The following PTK7 variants were observed in gnomAD, a reference collection of about 807,000 sequenced individuals.
PTK7 encodes inactive tyrosine-protein kinase 7.
PTK7 carries 39 observed loss-of-function variants against 116.6 expected under a neutral mutation model. That is an observed-to-expected ratio of 0.33 (90% CI 0.26 to 0.44). The LOEUF is 0.44. PTK7 is among the 20% of genes least tolerant of loss of function. The pLI is 1.00. For missense variants in PTK7, 1,169 were observed against 1,425.6 expected, an observed-to-expected ratio of 0.82 and a Z score of 2.90; for synonymous variants, 546 against 563.6, an observed-to-expected ratio of 0.97 and a Z score of 0.44.
intron 1 of PTK7, among the ~76,000 whole-genome samples, chr6:43,107,550 A>C (rs952170490): frequency 3.9e-5 from 6 of 152,224 alleles, no homozygotes. Context: ...GGTAGCTGTT[A>C]CTTTAATTAT....
intron 1 of PTK7, among the ~76,000 whole-genome samples, chr6:43,091,270 C>A (rs1766943755): frequency 1.3e-5 from 2 of 151,580 alleles, no homozygotes; most frequent in African/African-American, 4.9e-5. Context: ...AAGTGACCCT[C>A]CTGGCTCAGC....
intron 1 of PTK7, among the ~76,000 whole-genome samples, chr6:43,084,132 T>G (rs1022709369): frequency 1.3e-4 from 20 of 152,210 alleles, no homozygotes; most frequent in Admixed American, 2.6e-4. Context: ...CATTTTAATT[T>G]TTATTTATTT....
rs138370917 is a variant in PTK7, at chr6:43,137,371, G to A, written c.1229-1478G>A. On this transcript the variant is annotated intron_variant, in intron 7 of 19. Coordinates refer to ENST00000230419, the MANE Select transcript of PTK7 (RefSeq NM_002821.5). The stretch of plus-strand genomic sequence containing the variant: ...CCCAGTAGATAGGGTTTGGTAGAAC[G>A]AGTGTGATGGGGGTGGGGTATAGAG... 3.9e-5 allele frequency among the ~76,000 whole-genome samples: 6 copies of A among 152,314 alleles called. No individual in the cohort carries two copies. In the East Asian group the frequency reaches 9.6e-4, roughly 24 times the overall value.
At position 43,150,970 on chromosome 6, in the gene PTK7, C is replaced by T. The variant is rs190051313; in HGVS notation, c.2721+4272C>T. 1.1e-4 allele frequency among the ~76,000 whole-genome samples: 17 copies of T among 150,954 alleles called. No homozygotes were observed. In the East Asian group the frequency reaches 3.1e-3, roughly 28 times the overall value. On this transcript the variant is annotated intron_variant, in intron 17 of 19. Coordinates refer to ENST00000230419, the MANE Select transcript of PTK7 (RefSeq NM_002821.5). ...CCCGAGTAGCTGGGATTACAGGAGC[C>T]CGCCACCACACCCAACTAATTTTTG...
intron 13 of PTK7, chr6:43,142,572 C>T: frequency 1.9e-6 from 1 of 534,894 alleles, no homozygotes; most frequent in Non-Finnish European, 3.5e-6. Context: ...TCCCAGGTTC[C>T]TGCAGCAGCC....
chr6:43,151,123 ACT>A (rs780038152), intron 17 of PTK7, among the ~76,000 whole-genome samples: 10 of 150,552 alleles, frequency 6.6e-5, no homozygotes, highest in Middle Eastern at 6.8e-3. Flanking sequence ...GCCCAGCCAG[ACT>A]CTGCTTTTTC....
intron 1 of PTK7, among the ~76,000 whole-genome samples, chr6:43,092,700 C>G (rs1277555514): frequency 2.0e-5 from 3 of 152,156 alleles, no homozygotes; most frequent in Non-Finnish European, 4.4e-5. Flanking sequence ...AGGACTTAGT[C>G]TGTGATACTG....
intron 1 of PTK7, among the ~76,000 whole-genome samples, chr6:43,124,915 G>A (rs1769196638): frequency 6.6e-6 from 1 of 152,182 alleles, no homozygotes; most frequent in Non-Finnish European, 1.5e-5. Flanking sequence ...GCTCACGCCT[G>A]TAATCCCAGC....
chr6:43,106,553 C>T (rs1767897949), intron 1 of PTK7, among the ~76,000 whole-genome samples: 1 of 151,836 alleles, frequency 6.6e-6, no homozygotes, highest in Non-Finnish European at 1.5e-5. Context: ...TCCCAGAATG[C>T]TCAAAGTGCT....
intron 5 of PTK7, 104 bp downstream of exon 5, chr6:43,130,765 A>G (rs1204839492): frequency 1.4e-6 from 2 of 1,424,870 alleles, no homozygotes; most frequent in East Asian, 2.3e-5. Flanking sequence ...TTGTACATGT[A>G]TTATTTCAAA....
rs1248804338 is a variant in PTK7 at position 43,132,116 on chromosome 6, G to A, written c.913G>A (p.Gly305Arg). 1 of 1,613,808 alleles carries A rather than the reference G, an allele frequency of 6.2e-7. No homozygotes were observed. The highest frequency in any genetic ancestry group is 1.6e-4 in the Middle Eastern group (1 of 6,062). ...AGGGATCTACCGCTGCATTGGCCAG[G>A]GGCAGAGGGGCCCACCCATCATCCT... Reference protein sequence around the residue: ...NAGIYRCIGQGQRGPPIILEA... With the variant: ...NAGIYRCIGQRQRGPPIILEA... Residue 305 changes from glycine (G) to arginine (R), a missense_variant, in exon 6 of 20, where the codon GGG becomes AGG. By Grantham distance (125) the Gly-to-Arg change is moderately radical. Transcript: ENST00000230419.
At chr6:43,110,819 A>T (rs999877549) in intron 1 of PTK7, among the ~76,000 whole-genome samples, 1 of 152,208 alleles carries the variant, frequency 6.6e-6, no homozygotes, top group Non-Finnish European at 1.5e-5. Flanking sequence ...ATTGCTGCTG[A>T]CGGTCATTTC....
At position 43,076,542 on chromosome 6, in the gene PTK7, C is replaced by A; in HGVS notation, c.54C>A (p.Ser18Arg). ...PARPRRLPLL[S>R]VLLLPLLGGT... Reference sequence around the variant, plus strand: ...GACCCCGCCGGTTGCCTCTGCTCAGCGTCCTGCTGCTGCCGCTGCTGGGCG... The same window carrying A: ...GACCCCGCCGGTTGCCTCTGCTCAGAGTCCTGCTGCTGCCGCTGCTGGGCG... The change falls in exon 1 of 20, where the codon AGC becomes AGA. Residue 18 changes from serine to arginine, a missense_variant. Ser to Arg is a moderately radical substitution (Grantham distance 110). Coordinates refer to ENST00000230419, the MANE Select transcript of PTK7 (RefSeq NM_002821.5). The surrounding 1 kb of genome is among the most constrained non-coding windows in gnomAD (Gnocchi z 5.7). 2 of 1,577,608 alleles carry A rather than the reference C, an allele frequency of 1.3e-6. No homozygotes were observed. Among genetic ancestry groups the A allele is most frequent in the Non-Finnish European group, 1.7e-6 (2 of 1,167,194 alleles).
chr6:43,136,425 C>A (rs1770047775), intron 7 of PTK7, among the ~76,000 whole-genome samples: 1 of 152,090 alleles, frequency 6.6e-6, no homozygotes, highest in South Asian at 2.1e-4. Flanking sequence ...TCAGGTGGGC[C>A]CGCTCGTCTA....
In PTK7 at chr6:43,128,974, C is replaced by T. The variant is rs1235407082; in HGVS notation, c.80-3C>T. The T allele has an allele frequency of 1.2e-6, 2 of 1,600,546 alleles. No individual in the cohort carries two copies. The highest frequency in any genetic ancestry group is 1.7e-5 in the Admixed American group (1 of 59,332). On this transcript the variant is annotated splice_region_variant and splice_polypyrimidine_tract_variant and intron_variant, in intron 1 of 19. Coordinates refer to ENST00000230419, the MANE Select transcript of PTK7 (RefSeq NM_002821.5). ...CCTGCCTCTCCCCTGTTTGCATCTA[C>T]AGGTACCCAGACAGCCATTGTCTTC...
chr6:43,145,585 G>A lies in PTK7; in HGVS notation c.2640+153G>A. 2.0e-6 allele frequency: 1 copy of A among 499,074 alleles called. No homozygotes were observed. Among genetic ancestry groups the A allele is most frequent in the Non-Finnish European group, 3.4e-6 (1 of 295,838 alleles). The allele number at this position is 499,074 out of a possible 1,614,324, so 30.9% of individuals were successfully genotyped here. A position where few individuals can be genotyped will look rare whatever the true frequency, so the allele number is the denominator to read the frequency against. On this transcript the variant is annotated intron_variant, in intron 16 of 19. Transcript: ENST00000230419. The surrounding 1 kb of genome is among the most constrained non-coding windows in gnomAD (Gnocchi z 4.8). ...TGCTGTTACACTTTGCCCACCTTAT[G>A]ATGCTCAGCTTCTGCCTTCCCTGCT...
intron 1 of PTK7, among the ~76,000 whole-genome samples, chr6:43,086,747 G>T (rs1561932992): frequency 6.6e-6 from 1 of 152,114 alleles, no homozygotes; most frequent in Non-Finnish European, 1.5e-5. Context: ...GAGGCAGGAG[G>T]ATTGCTTGAG....
intron 17 of PTK7, among the ~76,000 whole-genome samples, chr6:43,156,228 CAAAAAA>C (rs5875828): frequency 0.013 from 601 of 47,320 alleles, 5 homozygotes; most frequent in African/African-American, 0.039. Context: ...TACCCTGTCT[CAAAAAA>C]AAAAAAAAAA....
intron 1 of PTK7, among the ~76,000 whole-genome samples, chr6:43,079,328 G>C (rs972044519): frequency 6.6e-6 from 1 of 152,078 alleles, no homozygotes; most frequent in Non-Finnish European, 1.5e-5. Flanking sequence ...TTAGCCAGGC[G>C]TGGTGGCGGG....
Sources: gnomAD v4.1 joint callset for allele counts (sites outside exome capture counted in the v4.1 genomes callset) on GRCh38, gnomAD v4.1.1 for gene constraint, Gnocchi (gnomAD v3.1) non-coding constraint, MANE v1.5 for transcripts, NCBI Gene and HGNC (gene_info 2026-07-23, HGNC 2026-07-21) for gene names.